The following ARMCX4 variants were observed in gnomAD, a reference collection of about 807,000 sequenced individuals.
ARMCX4 encodes the protein armadillo repeat containing X-linked 4.
ARMCX4 carries 3 observed loss-of-function variants against 34.7 expected under a neutral mutation model. That is an observed-to-expected ratio of 0.09 (90% CI 0.04 to 0.22). The LOEUF (loss-of-function observed/expected upper bound fraction) is 0.22. Ranked by LOEUF, ARMCX4 falls within the 10% of genes least tolerant of loss-of-function variation. The pLI is 1.00. For missense variants in ARMCX4, 1,448 were observed against 1,720.8 expected (o/e 0.84, Z 2.81); for synonymous variants, 513 against 632.8 (o/e 0.81, Z 2.84).
chrX:101,442,682 A>G (rs1931372677), intron 2 of ARMCX4, among the ~76,000 whole-genome samples: 1 of 111,005 alleles, frequency 9.0e-6, no homozygotes, highest in African/African-American at 3.3e-5. Context: ...GGCCCATCAG[A>G]GACAGCAACC....
intron 2 of ARMCX4, among the ~76,000 whole-genome samples, chrX:101,442,132 G>A (rs1931337184): frequency 8.9e-6 from 1 of 112,523 alleles, no homozygotes; most frequent in Admixed American, 9.4e-5. Flanking sequence ...ACCCAGCAAA[G>A]TGATATGAAA....
At chrX:101,469,773 G>A (rs1349980060) in intron 4 of ARMCX4, among the ~76,000 whole-genome samples, 1 of 111,024 alleles carries the variant, frequency 9.0e-6, no homozygotes, top group Non-Finnish European at 1.9e-5. Context: ...TCAGACACCA[G>A]ACCAAATTGA....
intron 2 of ARMCX4, among the ~76,000 whole-genome samples, chrX:101,432,670 C>A (rs1213253258): frequency 9.4e-6 from 1 of 105,980 alleles, no homozygotes; most frequent in Non-Finnish European, 1.9e-5. Context: ...AAAAAAAACC[C>A]CATGTATATA....
Position 101,495,739 on chromosome X carries a change from T to G in ARMCX4, c.*277T>G, listed in dbSNP as rs1556011694. On this transcript the variant is annotated 3_prime_UTR_variant, in exon 6 of 6. Coordinates refer to ENST00000423738, the MANE Select transcript of ARMCX4 (RefSeq NM_001256155.3). ...GTAATCTTTGGTCCTTTGTGTGGAC[T>G]TATGTTTATACATTTAAGACTATTT... The G allele has an allele frequency of 4.2e-6, 1 of 238,503 alleles. No individual in the cohort carries two copies. Among genetic ancestry groups the G allele is most frequent in the Admixed American group, 6.2e-5 (1 of 16,101 alleles). The allele number at this position is 238,503 out of a possible 1,213,427, so 19.7% of individuals were successfully genotyped here.
At chrX:101,476,649 T>C (rs368071561) in intron 4 of ARMCX4, among the ~76,000 whole-genome samples, 31 of 111,347 alleles carry the variant, frequency 2.8e-4, no homozygotes, top group Non-Finnish European at 5.1e-4. Flanking sequence ...CTTCAAATTA[T>C]GTAGATGAGA....
At chrX:101,420,102 C>A (rs1486481882) in intron 2 of ARMCX4, among the ~76,000 whole-genome samples, 2 of 112,187 alleles carry the variant, frequency 1.8e-5, no homozygotes, top group Non-Finnish European at 3.8e-5. Flanking sequence ...GTGGCTCACG[C>A]CTGTAATCCC....
intron 8 of ARMCX4, among the ~76,000 whole-genome samples, chrX:101,506,959 A>T (rs960913102): frequency 3.6e-5 from 4 of 110,490 alleles, no homozygotes; most frequent in Admixed American, 9.7e-5. Context: ...ATTTCTTCTG[A>T]TATTGCCTTT....
downstream of ARMCX4, among the ~76,000 whole-genome samples, chrX:101,452,632 C>T (rs562896517): frequency 1.3e-4 from 14 of 110,247 alleles, no homozygotes; most frequent in South Asian, 5.0e-3. Context: ...CTCAGCTCAC[C>T]GCAATCTCTG....
Position 101,494,010 on chromosome X carries a change from A to AGGGGCTGGGGCT in ARMCX4, c.5428_5429insGGGCTGGGGCTG (p.Ala1809_Glu1810insGlyAlaGlyAla). 1 of 265,705 alleles carries AGGGGCTGGGGCT rather than the reference A, an allele frequency of 3.8e-6. No individual in the cohort carries two copies. 21.9% of individuals were successfully genotyped at this position (265,705 alleles called of 1,213,427 possible). ...AGGTGGCTTATATGGGCTCCTGTGT[A>AGGGGCTGGGGCT]GGGGCTGAGGCTGGGGCTGGGGCTG... On this transcript the variant is annotated inframe_insertion, in exon 6 of 6. Transcript: ENST00000423738.
intron 11 of ARMCX4, among the ~76,000 whole-genome samples, chrX:101,517,856 AC>A (rs1273754282): frequency 9.0e-6 from 1 of 111,457 alleles, no homozygotes. Context: ...GTAAAAAAAA[AC>A]AAACAAAGAA....
At chrX:101,473,632 C>G (rs1379008305) in intron 4 of ARMCX4, among the ~76,000 whole-genome samples, 2 of 109,044 alleles carry the variant, frequency 1.8e-5, no homozygotes, top group African/African-American at 6.7e-5. Context: ...TGCAATCAAA[C>G]TAGAACTCAG....
At chrX:101,456,554 C>T (rs1294048865) in intron 4 of ARMCX4, among the ~76,000 whole-genome samples, 2 of 111,091 alleles carry the variant, frequency 1.8e-5, no homozygotes, top group Non-Finnish European at 3.8e-5. Flanking sequence ...TAGATATGTA[C>T]TTCTTTTTAT....
At chrX:101,499,692 G>A (rs1234315919), downstream of ARMCX4, among the ~76,000 whole-genome samples, 24 of 112,033 alleles carry the variant, frequency 2.1e-4, no homozygotes, top group Non-Finnish European at 4.3e-4. Context: ...TGGCAGGTGG[G>A]GAGGCCTGAC....
At chrX:101,449,655 A>C (rs1036792480), downstream of ARMCX4, among the ~76,000 whole-genome samples, 1 of 111,795 alleles carries the variant, frequency 8.9e-6, no homozygotes, top group African/African-American at 3.3e-5. Context: ...CAATACAGCT[A>C]TTTTGAATTC....
intron 2 of ARMCX4, among the ~76,000 whole-genome samples, chrX:101,433,843 A>G (rs1046992306): frequency 8.9e-6 from 1 of 111,868 alleles, no homozygotes; most frequent in Non-Finnish European, 1.9e-5. Context: ...GGCAGAGACC[A>G]TGGTGGGCCT....
intron 2 of ARMCX4, among the ~76,000 whole-genome samples, chrX:101,442,990 G>A (rs1375641015): frequency 9.1e-6 from 1 of 109,532 alleles, no homozygotes; most frequent in Admixed American, 9.8e-5. Context: ...AATCAGAAGG[G>A]CGTGGTGGCA....
chrX:101,495,964 G>A (rs1934167929), downstream of ARMCX4, among the ~76,000 whole-genome samples: 1 of 111,765 alleles, frequency 8.9e-6, no homozygotes. Flanking sequence ...CAGTGCTCAA[G>A]GAAAGTTTTA....
chrX:101,523,368 C>G (rs782551452), intron 11 of ARMCX4, among the ~76,000 whole-genome samples: 37 of 111,673 alleles, frequency 3.3e-4, no homozygotes, highest in Non-Finnish European at 6.0e-4. Context: ...GGATAGGGGA[C>G]AAGGAAATAT....
At chrX:101,529,065 G>A (rs995430249) in intron 11 of ARMCX4, among the ~76,000 whole-genome samples, 4 of 111,170 alleles carry the variant, frequency 3.6e-5, no homozygotes, top group Non-Finnish European at 5.7e-5. Context: ...GAGGTATCAC[G>A]CTACCTGACT....
Sources: gnomAD v4.1 joint callset for allele counts (sites outside exome capture counted in the v4.1 genomes callset) on GRCh38, gnomAD v4.1.1 for gene constraint, MANE v1.5 for transcripts, NCBI Gene and HGNC (gene_info 2026-07-23, HGNC 2026-07-21) for gene names.